The following KAT2B variants were observed in gnomAD, a reference collection of about 807,000 sequenced individuals.
The protein encoded by KAT2B is histone acetyltransferase KAT2B.
Under a neutral mutation model 105.9 loss-of-function variants are expected in KAT2B, and 36 were observed. The ratio of observed to expected loss-of-function variants is 0.34; its 90% CI spans 0.26 to 0.45. KAT2B has a LOEUF of 0.45. Ranked by LOEUF, KAT2B falls within the 20% of genes least tolerant of loss-of-function variation. The probability of loss-of-function intolerance (pLI) is 1.00; values close to 1 mark genes in which losing one functional copy is unlikely to be tolerated. For synonymous variants in KAT2B, 397 were observed against 377.9 expected, an observed-to-expected ratio of 1.05 and a Z score of -0.59; for missense variants, 820 against 1,021.6, an observed-to-expected ratio of 0.80 and a Z score of 2.69.
intron 12 of KAT2B, among the ~76,000 whole-genome samples, chr3:20,139,370 T>C (rs1439287514): frequency 6.6e-6 from 1 of 152,190 alleles, no homozygotes; most frequent in Non-Finnish European, 1.5e-5. Context: ...TTGGATTGTT[T>C]CACTGAGGTC....
At chr3:20,144,735 G>A (rs949390470) in intron 13 of KAT2B, among the ~76,000 whole-genome samples, 4 of 151,704 alleles carry the variant, frequency 2.6e-5, no homozygotes, top group Non-Finnish European at 4.4e-5. Flanking sequence ...GACTTGATAT[G>A]TGGTTAGTCA....
At chr3:20,066,981 C>G (rs1367398728) in intron 1 of KAT2B, among the ~76,000 whole-genome samples, 1 of 152,112 alleles carries the variant, frequency 6.6e-6, no homozygotes, top group Non-Finnish European at 1.5e-5. Context: ...TCGCTTGTGG[C>G]TGGCTGCCAC....
chr3:20,132,166 G>C (rs1699522114), intron 11 of KAT2B, among the ~76,000 whole-genome samples: 1 of 152,100 alleles, frequency 6.6e-6, no homozygotes, highest in Non-Finnish European at 1.5e-5. Flanking sequence ...CCTGAGGTTG[G>C]GAGTTTGAGA....
chr3:20,100,951 C>A, intron 4 of KAT2B: 1 of 272,452 alleles, frequency 3.7e-6, no homozygotes, highest in Non-Finnish European at 6.9e-6. Flanking sequence ...GATAGTAAAG[C>A]AATAATTATT....
At chr3:20,049,519 A>C (rs1697877430) in intron 1 of KAT2B, among the ~76,000 whole-genome samples, 1 of 152,180 alleles carries the variant, frequency 6.6e-6, no homozygotes, top group African/African-American at 2.4e-5. Flanking sequence ...CCTCTTTCCT[A>C]TGCACCATTT....
chr3:20,049,374 A>T (rs9882626), intron 1 of KAT2B, among the ~76,000 whole-genome samples: 4,147 of 152,300 alleles, frequency 0.027, 207 homozygotes, highest in African/African-American at 0.091. Flanking sequence ...ATGTCTCACG[A>T]CATTTGATTC....
chr3:20,076,266 AAGGATGTATATTG>A (rs1303485653), intron 2 of KAT2B, among the ~76,000 whole-genome samples: 7 of 152,198 alleles, frequency 4.6e-5, no homozygotes, highest in Non-Finnish European at 8.8e-5. Context: ...AAAGGTCTGG[AAGGATGTATATTG>A]AGTTGCTGAC....
In KAT2B at chr3:20,125,893, C is replaced by G. The variant is rs771156251; in HGVS notation, c.1414-12C>G. 6.2e-7 allele frequency: 1 copy of G among 1,612,154 alleles called. No homozygotes were observed. The highest frequency in any genetic ancestry group is 8.5e-7 in the Non-Finnish European group (1 of 1,179,270). On this transcript the variant is annotated splice_polypyrimidine_tract_variant and intron_variant, in intron 9 of 17. Transcript: ENST00000263754. ...AGCTCTGTGTAATTTTTTCCTGTCTCTTGCATCTCAGACCAATTTTCTGTC... is the reference window on the plus strand; with the variant it reads ...AGCTCTGTGTAATTTTTTCCTGTCTGTTGCATCTCAGACCAATTTTCTGTC...
intron 11 of KAT2B, among the ~76,000 whole-genome samples, chr3:20,134,626 C>T (rs1243860712): frequency 6.6e-6 from 1 of 152,160 alleles, no homozygotes; most frequent in Non-Finnish European, 1.5e-5. Flanking sequence ...TCAGGATGGT[C>T]TCGATCTCCT....
At position 20,040,544 on chromosome 3, in the gene KAT2B, G is replaced by A. The variant is rs1282746674; in HGVS notation, c.67G>A (p.Gly23Arg). 1.1e-5 allele frequency: 11 copies of A among 1,013,800 alleles called. No individual in the cohort carries two copies. Among genetic ancestry groups the A allele is most frequent in the South Asian group, 4.4e-5 (1 of 22,520 alleles). The allele number at this position is 1,013,800 out of a possible 1,614,324, so 62.8% of individuals were successfully genotyped here. ...AGGAGCCGGGGCAGGGGCCGGGCCCGGGGCGCTGCCCCCGCAGCCTGCGGC... is the reference window on the plus strand; with the variant it reads ...AGGAGCCGGGGCAGGGGCCGGGCCCAGGGCGCTGCCCCCGCAGCCTGCGGC... ...GAGAGAGAGP[G>R]ALPPQPAALP... The change falls in exon 1 of 18, where the codon GGG (glycine) becomes AGG (arginine). Residue 23 changes from glycine (G) to arginine (R), a missense_variant. Gly to Arg is a moderately radical substitution (Grantham distance 125). Transcript: ENST00000263754.
intron 5 of KAT2B, among the ~76,000 whole-genome samples, chr3:20,110,517 GA>G (rs1254120004): frequency 6.6e-6 from 1 of 151,438 alleles, no homozygotes; most frequent in Non-Finnish European, 1.5e-5. Context: ...CAAAAAATAA[GA>G]AAAAATTAGC....
At chr3:20,051,043 T>C (rs1004358763) in intron 1 of KAT2B, among the ~76,000 whole-genome samples, 1 of 151,500 alleles carries the variant, frequency 6.6e-6, no homozygotes, top group Non-Finnish European at 1.5e-5. Context: ...TCTACTAAAA[T>C]ACAAAAATTA....
At chr3:20,066,560 G>C (rs1237709410) in intron 1 of KAT2B, among the ~76,000 whole-genome samples, 1 of 151,804 alleles carries the variant, frequency 6.6e-6, no homozygotes, top group Admixed American at 6.6e-5. Flanking sequence ...CACTATGCCT[G>C]GCTAATTTTT....
intron 3 of KAT2B, among the ~76,000 whole-genome samples, chr3:20,097,727 G>A (rs1273759772): frequency 6.6e-6 from 1 of 151,906 alleles, no homozygotes; most frequent in African/African-American, 2.4e-5. Flanking sequence ...AGTAGAGATG[G>A]GGTTTCACAT....
intron 13 of KAT2B, among the ~76,000 whole-genome samples, chr3:20,140,688 C>T (rs1412975253): frequency 1.3e-5 from 2 of 152,030 alleles, no homozygotes; most frequent in Admixed American, 6.6e-5. Flanking sequence ...GACAGCGTTT[C>T]ACCATGTTGG....
chr3:20,099,735 T>C, intron 3 of KAT2B, 127 bp from the exon 4 acceptor site: 2 of 561,520 alleles, frequency 3.6e-6, no homozygotes. Context: ...GGTAACTTCC[T>C]TTAAAGGCTG....
chr3:20,102,924 A>C lies in KAT2B; in HGVS notation c.851+1456A>C, dbSNP rs543945034. Among the ~76,000 whole-genome samples the C allele has an allele frequency of 7.9e-5, 12 of 152,336 alleles. No homozygotes were observed. In the South Asian group the frequency reaches 1.0e-3, roughly 13 times the overall value. On this transcript the variant is annotated intron_variant, in intron 5 of 17. Coordinates refer to ENST00000263754, the MANE Select transcript of KAT2B (RefSeq NM_003884.5). ...GTTATTTTCTGTAACAGCAGATAAC[A>C]TGGAAGAATTGTATAATTTAAAATA... is the stretch of plus-strand genomic sequence containing the variant.
chr3:20,080,891 A>G (rs940851628), intron 2 of KAT2B, among the ~76,000 whole-genome samples: 1 of 152,166 alleles, frequency 6.6e-6, no homozygotes, highest in Non-Finnish European at 1.5e-5. Context: ...AATGAATTTC[A>G]CCTGCTTCTT....
At chr3:20,106,407 A>G (rs917528623) in intron 5 of KAT2B, among the ~76,000 whole-genome samples, 9 of 151,932 alleles carry the variant, frequency 5.9e-5, no homozygotes, top group African/African-American at 2.2e-4. Flanking sequence ...CAATAATAAT[A>G]TCAATCAATT....
Sources: allele counts gnomAD v4.1 joint callset (sites outside exome capture counted in the v4.1 genomes callset), GRCh38; gene constraint gnomAD v4.1.1; transcripts MANE v1.5; gene names NCBI Gene and HGNC (gene_info 2026-07-23, HGNC 2026-07-21).